The following TPP2 variants were observed in gnomAD, a reference collection of about 807,000 sequenced individuals.
TPP2 encodes the protein tripeptidyl-peptidase 2.
A neutral mutation model predicts 155.9 loss-of-function variants in TPP2; 34 were observed. The ratio of observed to expected loss-of-function variants is 0.22; its 90% CI spans 0.17 to 0.29. TPP2 has a LOEUF of 0.29. Among genes scored for constraint, TPP2 ranks in the 10% least tolerant of loss-of-function variants. The pLI is 1.00. For synonymous variants in TPP2, 510 were observed against 529.4 expected (o/e 0.96, Z 0.50); for missense variants, 1,028 against 1,522.3 (o/e 0.68, Z 5.40).
rs762839986 is a variant in TPP2 at position 102,604,932 on chromosome 13, T to G, written c.294+11T>G. Reference sequence around the variant, plus strand: ...GGAAGAGTGCTTAAGGTGAGACCTTTTGTCTTCTTTTTGAATTTTTTTTTT... The same window carrying G: ...GGAAGAGTGCTTAAGGTGAGACCTTGTGTCTTCTTTTTGAATTTTTTTTTT... On this transcript the variant is annotated intron_variant, in intron 2 of 29. Coordinates refer to ENST00000376052, the MANE Select transcript of TPP2 (RefSeq NM_001330588.2). 6.3e-7 allele frequency: 1 copy of G among 1,597,442 alleles called. No homozygotes were observed. Among genetic ancestry groups the G allele is most frequent in the African/African-American group, 1.4e-5 (1 of 73,584 alleles).
At chr13:102,662,084 T>C (rs903134846) in intron 25 of TPP2, among the ~76,000 whole-genome samples, 2 of 152,152 alleles carry the variant, frequency 1.3e-5, no homozygotes, top group African/African-American at 4.8e-5. Flanking sequence ...TTTTCAGCCA[T>C]GAATGGGATT....
intron 25 of TPP2, among the ~76,000 whole-genome samples, chr13:102,658,250 G>T (rs1883983845): frequency 6.6e-6 from 1 of 152,156 alleles, no homozygotes; most frequent in African/African-American, 2.4e-5. Flanking sequence ...ATGCATCCTT[G>T]CAGTTATATG....
At chr13:102,625,164 C>CTTTTTTTTTTTTT (rs71125084) in intron 6 of TPP2, among the ~76,000 whole-genome samples, 1 of 73,484 alleles carries the variant, frequency 1.4e-5, no homozygotes, top group African/African-American at 5.9e-5. Context: ...GGCCACTTAA[C>CTTTTTTTTTTTTT]TTTTTTTTTT....
intron 27 of TPP2, 116 bp from the exon 28 acceptor site, chr13:102,674,167 A>G (rs912373292): frequency 9.3e-7 from 1 of 1,072,896 alleles, no homozygotes; most frequent in Non-Finnish European, 1.3e-6. Context: ...CTGGATATAC[A>G]GTATTTCTGC....
intron 6 of TPP2, among the ~76,000 whole-genome samples, chr13:102,624,852 CTTTTTTTTTTTTTTT>C (rs1029486604): frequency 4.8e-5 from 4 of 83,428 alleles, no homozygotes; most frequent in South Asian, 8.7e-4. Flanking sequence ...TTTTTTTTTC[CTTTTTTTTTTTTTTT>C]TTTTTTTTTG....
At chr13:102,623,969 T>A (rs1881362069) in intron 6 of TPP2, among the ~76,000 whole-genome samples, 1 of 152,234 alleles carries the variant, frequency 6.6e-6, no homozygotes, top group Non-Finnish European at 1.5e-5. Context: ...TGTAGTTTTT[T>A]AATATTTATA....
chr13:102,639,280 G>T (rs1045869256), intron 15 of TPP2, among the ~76,000 whole-genome samples: 10 of 152,156 alleles, frequency 6.6e-5, no homozygotes, highest in African/African-American at 2.4e-4. Context: ...TGGAAACCAA[G>T]TGGAAATTCT....
At chr13:102,650,519 A>G (rs957549520) in intron 23 of TPP2, among the ~76,000 whole-genome samples, 2 of 152,184 alleles carry the variant, frequency 1.3e-5, no homozygotes, top group African/African-American at 4.8e-5. Flanking sequence ...AAGTAAATCA[A>G]TAGTTAATGG....
intron 2 of TPP2, among the ~76,000 whole-genome samples, 177 bp from the exon 3 acceptor site, chr13:102,613,921 AAAG>A (rs1880510878): frequency 6.6e-6 from 1 of 152,224 alleles, no homozygotes; most frequent in Non-Finnish European, 1.5e-5. Flanking sequence ...GGATGAGAAA[AAAG>A]AAGTGATAAA....
At chr13:102,610,365 A>T (rs1330468511) in intron 2 of TPP2, among the ~76,000 whole-genome samples, 2 of 151,836 alleles carry the variant, frequency 1.3e-5, no homozygotes, top group Non-Finnish European at 2.9e-5. Flanking sequence ...AGTCGCTGGG[A>T]TTATAGGCAC....
intron 26 of TPP2, among the ~76,000 whole-genome samples, chr13:102,664,045 A>G (rs1368636213): frequency 6.6e-6 from 1 of 152,266 alleles, no homozygotes; most frequent in Non-Finnish European, 1.5e-5. Flanking sequence ...AATCCTGGCC[A>G]GATGGAAATC....
chr13:102,677,704 CCTTT>C lies in TPP2; in HGVS notation c.3700-519_3700-516del, dbSNP rs1360868727. ...ACTGGAGTATCACCTCCATAGAGAT[CCTTT>C]CTTAACCATCTAACTCCCCAGTTAG... On this transcript the variant is annotated intron_variant, in intron 29 of 29. Transcript: ENST00000376052. Among the ~76,000 whole-genome samples, 10 of 152,308 alleles carry C rather than the reference CCTTT, an allele frequency of 6.6e-5. No individual in the cohort carries two copies. In the East Asian group the frequency reaches 1.9e-3, roughly 29 times the overall value.
intron 27 of TPP2, among the ~76,000 whole-genome samples, chr13:102,673,463 C>T (rs1885105694): frequency 6.6e-6 from 1 of 152,196 alleles, no homozygotes; most frequent in African/African-American, 2.4e-5. Flanking sequence ...AGCACACATT[C>T]TAGAGACTAA....
At chr13:102,618,869 A>G (rs1235031705) in intron 5 of TPP2, 23 bp downstream of exon 5, 1 of 1,582,526 alleles carries the variant, frequency 6.3e-7, no homozygotes, top group Admixed American at 1.9e-5. Context: ...TATTTTATAC[A>G]TCTTCATTTA....
At chr13:102,626,898 G>GTAATGTGTATTCTTTTT in intron 6 of TPP2, 114 bp from the exon 7 acceptor site, 1 of 1,132,358 alleles carries the variant, frequency 8.8e-7, no homozygotes, top group Non-Finnish European at 1.2e-6. Flanking sequence ...TCCATGAACA[G>GTAATGTGTATTCTTTTT]GGTAGCAGAG....
Position 102,644,646 on chromosome 13 carries a change from A to G in TPP2, c.2265A>G (p.Ile755Met). ...ATTATACCATTTCTTTCCATGGGATAGTGTGTACTGCTCCTCAGTTAAACA... is the reference window on the plus strand; with the variant it reads ...ATTATACCATTTCTTTCCATGGGATGGTGTGTACTGCTCCTCAGTTAAACA... ...NIDYTISFHG[I>M]VCTAPQLNIH... The change falls in exon 18 of 30, where the codon ATA (isoleucine) becomes ATG (methionine). Residue 755 changes from isoleucine (I) to methionine (M), a missense_variant. This residue lies in a region of TPP2 where 325 missense variants were observed against 463.7 expected (regional missense o/e 0.70). Transcript: ENST00000376052. 6.2e-7 allele frequency: 1 copy of G among 1,611,702 alleles called. No homozygotes were observed. The highest frequency in any genetic ancestry group is 1.1e-5 in the South Asian group (1 of 90,244).
chr13:102,667,014 G>T (rs932209857), intron 27 of TPP2, among the ~76,000 whole-genome samples: 7 of 151,992 alleles, frequency 4.6e-5, no homozygotes, highest in African/African-American at 1.4e-4. Context: ...CTCTGACCAG[G>T]TTGTGTTTGG....
At chr13:102,627,614 G>T (rs1881722822) in intron 7 of TPP2, among the ~76,000 whole-genome samples, 1 of 149,604 alleles carries the variant, frequency 6.7e-6, no homozygotes, top group Non-Finnish European at 1.5e-5. Context: ...CTCTTTTCTA[G>T]AAATGCTAGT....
At chr13:102,654,515 T>A (rs572172836) in intron 24 of TPP2, among the ~76,000 whole-genome samples, 7 of 152,212 alleles carry the variant, frequency 4.6e-5, no homozygotes, top group African/African-American at 1.2e-4. Context: ...TTGTTCATTT[T>A]AAATTCAATT....
Sources: allele counts gnomAD v4.1 joint callset (sites outside exome capture counted in the v4.1 genomes callset), GRCh38; gene constraint gnomAD v4.1.1; regional missense constraint gnomAD v4.1.1; transcripts MANE v1.5; gene names NCBI Gene and HGNC (gene_info 2026-07-23, HGNC 2026-07-21).